Variants in GATAD1 observed in about 807,000 individuals in gnomAD.
GATAD1 encodes GATA zinc finger domain containing 1.
A neutral mutation model predicts 26.5 loss-of-function variants in GATAD1; 12 were observed. The observed-to-expected ratio is 0.45, with a 90% CI of 0.29 to 0.73. The LOEUF is 0.73. Ranked by LOEUF, GATAD1 falls within the 30% of genes least tolerant of loss-of-function variation. The pLI, the probability that GATAD1 is intolerant of heterozygous loss-of-function variation, is 0.10. For synonymous variants in GATAD1, 129 were observed against 133.1 expected (o/e 0.97, Z 0.21); for missense variants, 266 against 342.1 (o/e 0.78, Z 1.75).
the GATAD1 span, chr7:92,491,103 A>C: frequency 3.4e-6 from 2 of 590,394 alleles, no homozygotes; most frequent in Non-Finnish European, 6.1e-6. Context: ...AAATCTTAAC[A>C]AGGAATGCAA....
At chr7:92,465,863 T>A in the GATAD1 span, among the ~76,000 whole-genome samples, 1 of 151,922 alleles carries the variant, frequency 6.6e-6, no homozygotes, top group African/African-American at 2.4e-5. Context: ...TAGCCCGGCG[T>A]GGTGGCACAT....
rs987358041 is a variant in GATAD1 at position 92,458,920 on chromosome 7, C to T, written c.*2358C>T. 5 of 152,126 alleles carry T rather than the reference C, an allele frequency of 3.3e-5. No homozygotes were observed. Among genetic ancestry groups the T allele is most frequent in the South Asian group, 2.1e-4 (1 of 4,822 alleles). 9.4% of individuals were successfully genotyped at this position (152,126 alleles called of 1,614,324 possible). ...ATGGTATTTAAAACCAAAACAGTATCGTACTTAGAATTTGGAGTAGAGGCC... is the reference window on the plus strand; with the variant it reads ...ATGGTATTTAAAACCAAAACAGTATTGTACTTAGAATTTGGAGTAGAGGCC... On this transcript the variant is annotated 3_prime_UTR_variant, in exon 5 of 5. Transcript: ENST00000287957.
chr7:92,472,941 C>G, the GATAD1 span: 1 of 152,196 alleles, frequency 6.6e-6, no homozygotes, highest in Admixed American at 6.5e-5. Flanking sequence ...AAAAGTAAAT[C>G]ATCCACCTAC....
the GATAD1 span, among the ~76,000 whole-genome samples, chr7:92,466,404 T>A: frequency 1.3e-5 from 2 of 152,244 alleles, no homozygotes; most frequent in South Asian, 4.1e-4. Flanking sequence ...CAAGCAGTCC[T>A]CCGACCTTGG....
the GATAD1 span, among the ~76,000 whole-genome samples, chr7:92,467,458 A>G: frequency 1.8e-3 from 268 of 152,390 alleles, 8 homozygotes; most frequent in East Asian, 0.045. Flanking sequence ...TATTAAATTC[A>G]TATTTATCTT....
At chr7:92,463,651 A>G (rs1790001303), downstream of GATAD1, among the ~76,000 whole-genome samples, 1 of 146,862 alleles carries the variant, frequency 6.8e-6, no homozygotes, top group African/African-American at 2.5e-5. Context: ...CAACAGAGCC[A>G]GATTCCGTCT....
chr7:92,493,035 A>AT, the GATAD1 span: 3 of 1,612,898 alleles, frequency 1.9e-6, no homozygotes, highest in Non-Finnish European at 2.5e-6. Flanking sequence ...AGCTCCAGTA[A>AT]AGGAGTCAGT....
chr7:92,475,301 TCC>T, the GATAD1 span: 1 of 152,128 alleles, frequency 6.6e-6, no homozygotes, highest in Admixed American at 6.5e-5. Flanking sequence ...GGGGAACGTT[TCC>T]CATCTGAAAA....
the GATAD1 span, chr7:92,489,949 GA>G: frequency 8.7e-6 from 13 of 1,499,486 alleles, no homozygotes; most frequent in Non-Finnish European, 1.2e-5. Flanking sequence ...ATGGAAGGAA[GA>G]GGGGGAGAGA....
chr7:92,483,700 C>A, the GATAD1 span, among the ~76,000 whole-genome samples: 2 of 152,198 alleles, frequency 1.3e-5, no homozygotes, highest in Admixed American at 6.5e-5. Flanking sequence ...CTTGACTATG[C>A]CTTTAGCTCC....
chr7:92,492,384 G>A, the GATAD1 span, among the ~76,000 whole-genome samples: 2 of 152,120 alleles, frequency 1.3e-5, no homozygotes, highest in Non-Finnish European at 2.9e-5. Context: ...ACCATGATTT[G>A]GTCTCAAACT....
At chr7:92,475,863 A>AG in the GATAD1 span, among the ~76,000 whole-genome samples, 459 of 152,362 alleles carry the variant, frequency 3.0e-3, 5 homozygotes, top group African/African-American at 0.011. Flanking sequence ...GAGAGGGTGT[A>AG]GCTAACCTTT....
At chr7:92,476,870 C>T in the GATAD1 span, among the ~76,000 whole-genome samples, 1 of 152,154 alleles carries the variant, frequency 6.6e-6, no homozygotes, top group African/African-American at 2.4e-5. Flanking sequence ...CAGCGCAGAG[C>T]TTCCTTAGAT....
Position 92,447,712 on chromosome 7 carries a change from C to G in GATAD1, c.-18C>G. The stretch of plus-strand genomic sequence containing the variant: ...TCCCGTGTCTCTGCGCCCGCGGGGG[C>G]CGCCCGAGCCGGCCACCATGCCGCT... On this transcript the variant is annotated 5_prime_UTR_variant, in exon 1 of 5. Coordinates refer to ENST00000287957, the MANE Select transcript of GATAD1 (RefSeq NM_021167.5). 6.9e-7 allele frequency: 1 copy of G among 1,446,518 alleles called. No individual in the cohort carries two copies. The highest frequency in any genetic ancestry group is 1.4e-5 in the South Asian group (1 of 72,478). The allele number at this position is 1,446,518 out of a possible 1,614,324, so 89.6% of individuals were successfully genotyped here.
chr7:92,476,614 TTGTC>T, the GATAD1 span, among the ~76,000 whole-genome samples: 1 of 151,948 alleles, frequency 6.6e-6, no homozygotes, highest in Admixed American at 6.6e-5. Flanking sequence ...TCTCTCCTCT[TTGTC>T]TCTCTCTCTC....
chr7:92,473,631 A>G, the GATAD1 span, among the ~76,000 whole-genome samples: 1 of 151,738 alleles, frequency 6.6e-6, no homozygotes, highest in African/African-American at 2.4e-5. Flanking sequence ...TTCAAGCATA[A>G]TTAGAAAAGC....
chr7:92,475,940 T>C, the GATAD1 span, among the ~76,000 whole-genome samples: 2 of 152,224 alleles, frequency 1.3e-5, no homozygotes, highest in Non-Finnish European at 2.9e-5. Flanking sequence ...TGCAAACAGC[T>C]CACACGTTTG....
chr7:92,491,460 T>C, the GATAD1 span: 113 of 1,613,592 alleles, frequency 7.0e-5, no homozygotes, highest in Admixed American at 2.7e-4. Flanking sequence ...AGAAAGACCA[T>C]TGAAGACAGA....
intron 4 of GATAD1, 51 bp from the exon 5 acceptor site, chr7:92,456,321 T>C: frequency 8.2e-7 from 1 of 1,222,408 alleles, no homozygotes; most frequent in Non-Finnish European, 1.2e-6. Context: ...CTTATGAAAA[T>C]GATATATATG....
Sources: allele counts gnomAD v4.1 joint callset (sites outside exome capture counted in the v4.1 genomes callset), GRCh38; gene constraint gnomAD v4.1.1; transcripts MANE v1.5; gene names NCBI Gene and HGNC (gene_info 2026-07-23, HGNC 2026-07-21).